PUDP: variants seen among roughly 807,000 people sequenced by gnomAD.
PUDP encodes the protein pseudouridine-5'-phosphatase.
PUDP carries 8 observed loss-of-function variants against 9.4 expected under a neutral mutation model. The observed-to-expected ratio is 0.85, with a 90% CI of 0.50 to 1.53. The LOEUF (loss-of-function observed/expected upper bound fraction) is 1.53, where lower values mean the gene tolerates loss of function less well. Among genes scored for constraint, PUDP ranks in the 40% most tolerant of loss-of-function variants. PUDP has a pLI of 0.00. For synonymous variants in PUDP, 99 were observed against 80.7 expected (o/e 1.23, Z -1.22); for missense variants, 188 against 189.7 (o/e 0.99, Z 0.05).
chrX:7,014,052 G>C (rs188649984), intron 1 of PUDP, among the ~76,000 whole-genome samples: 4 of 110,423 alleles, frequency 3.6e-5, no homozygotes, highest in Non-Finnish European at 7.6e-5. Flanking sequence ...GTGAGAAGAT[G>C]ATCTTCCCCT....
chrX:7,066,575 C>CA (rs1291263520), intron 3 of PUDP, among the ~76,000 whole-genome samples: 2 of 111,190 alleles, frequency 1.8e-5, no homozygotes, highest in Admixed American at 9.5e-5. Flanking sequence ...GGCCTCTGAT[C>CA]AGACAGGAGG....
At chrX:7,062,203 G>GCAGA (rs1930423310) in intron 3 of PUDP, among the ~76,000 whole-genome samples, 1 of 111,004 alleles carries the variant, frequency 9.0e-6, no homozygotes, top group South Asian at 3.8e-4. Context: ...AGAAAGCAGA[G>GCAGA]CAGACAGCTC....
chrX:6,926,108 G>A (rs1012788021), intron 3 of PUDP, among the ~76,000 whole-genome samples: 2 of 111,599 alleles, frequency 1.8e-5, no homozygotes, highest in African/African-American at 3.3e-5. Context: ...GTTTCTCTGG[G>A]ATCCCCTTGG....
intron 3 of PUDP, among the ~76,000 whole-genome samples, chrX:6,787,037 G>A (rs1019258122): frequency 8.1e-5 from 8 of 98,281 alleles, no homozygotes; most frequent in Non-Finnish European, 1.2e-4. Flanking sequence ...CTCTGTCTCC[G>A]GTTGATTTAT....
At chrX:7,116,404 G>A (rs1160376035) in intron 1 of PUDP, among the ~76,000 whole-genome samples, 2 of 111,813 alleles carry the variant, frequency 1.8e-5, no homozygotes, top group Non-Finnish European at 3.8e-5. Flanking sequence ...TGGGATGAGT[G>A]TGGCTGCCCT....
At chrX:6,805,029 G>T (rs933874504) in intron 3 of PUDP, among the ~76,000 whole-genome samples, 2 of 111,643 alleles carry the variant, frequency 1.8e-5, no homozygotes, top group Admixed American at 1.9e-4. Flanking sequence ...CACTTCAGGA[G>T]GTTGAGGCAG....
intron 3 of PUDP, among the ~76,000 whole-genome samples, chrX:6,900,300 T>C (rs1204131441): frequency 1.0e-5 from 1 of 95,548 alleles, no homozygotes; most frequent in African/African-American, 3.8e-5. Flanking sequence ...AGGAAATGAC[T>C]GATGACATTT....
At chrX:6,903,490 G>A (rs970978698) in intron 3 of PUDP, among the ~76,000 whole-genome samples, 1 of 111,468 alleles carries the variant, frequency 9.0e-6, no homozygotes, top group Non-Finnish European at 1.9e-5. Flanking sequence ...ACCTGCACTT[G>A]TATGTTCATT....
intron 3 of PUDP, among the ~76,000 whole-genome samples, chrX:6,934,662 G>A (rs1376746600): frequency 9.8e-6 from 1 of 101,768 alleles, no homozygotes; most frequent in Non-Finnish European, 2.0e-5. Context: ...TGGACTAAAT[G>A]CTCCAATTAA....
intron 1 of PUDP, among the ~76,000 whole-genome samples, chrX:7,007,235 C>A (rs1043422062): frequency 9.0e-6 from 1 of 111,665 alleles, no homozygotes; most frequent in Non-Finnish European, 1.9e-5. Flanking sequence ...AGGAAGCAAT[C>A]ATGATAAATG....
chrX:6,791,375 T>C (rs1412087652), intron 3 of PUDP, among the ~76,000 whole-genome samples: 1 of 107,148 alleles, frequency 9.3e-6, no homozygotes, highest in Non-Finnish European at 1.9e-5. Flanking sequence ...TGTGAAAAAG[T>C]ATAATGTGTT....
intron 3 of PUDP, among the ~76,000 whole-genome samples, chrX:6,856,896 A>T (rs992823060): frequency 8.9e-6 from 1 of 112,335 alleles, no homozygotes; most frequent in African/African-American, 3.2e-5. Context: ...TAAGCCAATT[A>T]AGAAGACAGA....
intron 2 of PUDP, among the ~76,000 whole-genome samples, chrX:7,080,133 A>T (rs1476719452): frequency 8.9e-6 from 1 of 112,023 alleles, no homozygotes; most frequent in Non-Finnish European, 1.9e-5. Flanking sequence ...ATTAGCAGGG[A>T]AAGAGGGGAC....
intron 3 of PUDP, among the ~76,000 whole-genome samples, chrX:6,943,420 CAA>C (rs34529457): frequency 0.21 from 23,335 of 111,076 alleles, 1,960 homozygotes; most frequent in Admixed American, 0.35. Flanking sequence ...AGCTGTGACT[CAA>C]AGATGTATTT....
chrX:6,753,059 C>T (rs1315744672), intron 3 of PUDP, among the ~76,000 whole-genome samples: 2 of 109,922 alleles, frequency 1.8e-5, no homozygotes, highest in Non-Finnish European at 3.8e-5. Flanking sequence ...TGTGAGATTT[C>T]GGTGCCTCCA....
chrX:7,068,466 A>G (rs1364117664), intron 3 of PUDP, among the ~76,000 whole-genome samples: 1 of 111,329 alleles, frequency 9.0e-6, no homozygotes, highest in South Asian at 3.8e-4. Flanking sequence ...ACAGGGGAGG[A>G]GTCTGTGTTC....
At chrX:7,018,101 AC>A (rs1929577160) in intron 1 of PUDP, among the ~76,000 whole-genome samples, 1 of 111,242 alleles carries the variant, frequency 9.0e-6, no homozygotes, top group African/African-American at 3.3e-5. Flanking sequence ...TGAATAATCC[AC>A]CCCTTGTTTA....
intron 1 of PUDP, among the ~76,000 whole-genome samples, chrX:7,127,269 G>T (rs1261982142): frequency 2.7e-5 from 3 of 112,193 alleles, no homozygotes; most frequent in Non-Finnish European, 5.6e-5. Context: ...GCTGGTAAGA[G>T]ACCGCCTTTT....
chrX:6,840,343 A>G lies in PUDP; in HGVS notation c.*248-133877T>C, dbSNP rs1180938909. 5.3e-5 allele frequency among the ~76,000 whole-genome samples: 6 copies of G among 112,249 alleles called. No homozygotes were observed. In the South Asian group the frequency reaches 2.2e-3, roughly 42 times the overall value. ...CTGGTATGTCTTTATCAGCAGCATG[A>G]GAATGGACTAATACAGTAGGTAAAT... On this transcript the variant is annotated intron_variant and NMD_transcript_variant, in intron 3 of 3. Coordinates refer to the PUDP transcript ENST00000655425.
Sources: allele counts gnomAD v4.1 joint callset (sites outside exome capture counted in the v4.1 genomes callset), GRCh38; gene constraint gnomAD v4.1.1; transcripts MANE v1.5; gene names NCBI Gene and HGNC (gene_info 2026-07-23, HGNC 2026-07-21).